Variants in ZFHX3 observed in about 807,000 individuals in gnomAD.
ZFHX3 encodes zinc finger homeobox 3.
In ZFHX3, 42 loss-of-function variants were observed where a neutral mutation model predicts 279.1. That is an observed-to-expected ratio of 0.15 (90% CI 0.12 to 0.19). The LOEUF is 0.19. Ranked by LOEUF, ZFHX3 falls within the 10% of genes least tolerant of loss-of-function variation. ZFHX3 has a pLI of 1.00. For missense variants in ZFHX3, 4,981 were observed against 4,754.0 expected, an observed-to-expected ratio of 1.05 and a Z score of -1.40; for synonymous variants, 2,293 against 1,957.8, an observed-to-expected ratio of 1.17 and a Z score of -4.52.
rs369858020 is a variant in ZFHX3, at chr16:72,964,794, T to TA, written c.-49-4601dup. 3.1e-3 allele frequency among the ~76,000 whole-genome samples: 476 copies of TA among 152,188 alleles called. 3 individuals are homozygous for TA. The highest frequency in any genetic ancestry group is 8.3e-3 in the African/African-American group (345 of 41,522). On this transcript the variant is annotated intron_variant, in intron 1 of 9. Coordinates refer to ENST00000268489, the MANE Select transcript of ZFHX3 (RefSeq NM_006885.4). Reference sequence around the variant, plus strand: ...TGATCCTCATACCCACACTAGGAGATAGATACTATTTTTATCCCCATTTTA... The same window carrying TA: ...TGATCCTCATACCCACACTAGGAGATAAGATACTATTTTTATCCCCATTTTA...
At chr16:73,873,174 G>GGTA (rs1413909136) in intron 1 of ZFHX3, among the ~76,000 whole-genome samples, 4 of 87,630 alleles carry the variant, frequency 4.6e-5, no homozygotes, top group African/African-American at 2.1e-4. Context: ...GGTGGTGGGT[G>GGTA]GTGGGTGGTG....
intron 8 of ZFHX3, among the ~76,000 whole-genome samples, chr16:73,079,438 T>A (rs561108056): frequency 2.8e-4 from 42 of 152,182 alleles, no homozygotes; most frequent in Middle Eastern, 3.4e-3. Flanking sequence ...GTCAGGAGAA[T>A]CACTTGAACC....
At chr16:73,484,612 G>C (rs779685633) in intron 2 of ZFHX3, among the ~76,000 whole-genome samples, 2 of 152,192 alleles carry the variant, frequency 1.3e-5, no homozygotes, top group Non-Finnish European at 2.9e-5. Context: ...TATCACCACG[G>C]TAGCAGGGAA....
At chr16:73,510,323 T>A (rs1282959042) in intron 2 of ZFHX3, among the ~76,000 whole-genome samples, 1 of 152,160 alleles carries the variant, frequency 6.6e-6, no homozygotes, top group Admixed American at 6.5e-5. Flanking sequence ...TTGTCTACAG[T>A]GTTTGCCACT....
rs1489786841 is a variant in ZFHX3, at chr16:72,784,867, T to A, written c.*2297A>T. The A allele has an allele frequency of 1.3e-5, 2 of 152,576 alleles. No homozygotes were observed. Among genetic ancestry groups the A allele is most frequent in the East Asian group, 3.9e-4 (2 of 5,180 alleles). The allele number at this position is 152,576 out of a possible 1,614,324, so 9.5% of individuals were successfully genotyped here. On this transcript the variant is annotated 3_prime_UTR_variant, in exon 10 of 10. Transcript: ENST00000268489. ...TGTACAACATTTCAGGATCTACTATTTCATTAAACTAAAAACAAATTCATA... is the reference window on the plus strand; with the variant it reads ...TGTACAACATTTCAGGATCTACTATATCATTAAACTAAAAACAAATTCATA...
intron 4 of ZFHX3, among the ~76,000 whole-genome samples, chr16:72,888,840 G>T (rs1253340720): frequency 1.3e-5 from 2 of 152,214 alleles, no homozygotes; most frequent in Non-Finnish European, 2.9e-5. Flanking sequence ...GAGGTGAGCA[G>T]TTCACAGGGT....
chr16:73,554,714 C>T (rs950558187), intron 2 of ZFHX3: 2 of 152,138 alleles, frequency 1.3e-5, no homozygotes, highest in African/African-American at 2.4e-5. Flanking sequence ...CCTGCGGTGG[C>T]TGACACACTC....
chr16:73,068,735 A>C (rs1478680295), intron 8 of ZFHX3, among the ~76,000 whole-genome samples: 2 of 152,184 alleles, frequency 1.3e-5, no homozygotes, highest in African/African-American at 2.4e-5. Flanking sequence ...ATATGAGGAA[A>C]TCCAGTAGAC....
At position 73,334,810 on chromosome 16, in the gene ZFHX3, C is replaced by CCTTTTTTTT. The variant is rs1555510772; in HGVS notation, c.-1290-16475_-1290-16474insAAAAAAAAG. 2.9e-3 allele frequency among the ~76,000 whole-genome samples: 170 copies of CCTTTTTTTT among 57,914 alleles called. 29 individuals are homozygous for CCTTTTTTTT. The highest frequency in any genetic ancestry group is 9.0e-3 in the South Asian group (13 of 1,440). 38.0% of individuals were successfully genotyped at this position (57,914 alleles called of 152,430 possible). On this transcript the variant is annotated intron_variant, in intron 3 of 17. Coordinates refer to the ZFHX3 transcript ENST00000641206. ...TCTTTTCCTCCTTTTCTTTCTCATT[C>CCTTTTTTTT]TTTTTTTTTTTTTTTTTTTTTTTTT...
intron 1 of ZFHX3, among the ~76,000 whole-genome samples, chr16:72,964,180 G>A (rs1056118771): frequency 1.3e-5 from 2 of 152,090 alleles, no homozygotes; most frequent in Non-Finnish European, 2.9e-5. Flanking sequence ...ATCCCTCCCC[G>A]TTGACTCAAC....
At chr16:73,120,813 C>T (rs1041838831) in intron 7 of ZFHX3, among the ~76,000 whole-genome samples, 8 of 151,900 alleles carry the variant, frequency 5.3e-5, no homozygotes, top group Non-Finnish European at 7.4e-5. Context: ...TGCTACCACG[C>T]CCGGCGAATT....
chr16:73,850,531 A>G (rs542704336), intron 1 of ZFHX3, among the ~76,000 whole-genome samples: 1 of 152,278 alleles, frequency 6.6e-6, no homozygotes, highest in Non-Finnish European at 1.5e-5. Flanking sequence ...AGGGAGTGAG[A>G]GCTGCAGGAT....
chr16:72,900,136 C>CAAA (rs10669734), intron 3 of ZFHX3, among the ~76,000 whole-genome samples: 2,740 of 63,192 alleles, frequency 0.043, 146 homozygotes, highest in African/African-American at 0.11. Context: ...ATGCCCTTGC[C>CAAA]AAAAAAAAAA....
intron 2 of ZFHX3, among the ~76,000 whole-genome samples, chr16:73,572,126 G>C (rs2051745084): frequency 7.1e-6 from 1 of 141,778 alleles, no homozygotes; most frequent in Non-Finnish European, 1.5e-5. Flanking sequence ...AAAAAGAAAA[G>C]TCAACCGAAA....
intron 3 of ZFHX3, among the ~76,000 whole-genome samples, chr16:72,898,746 C>CAATAAAAA (rs2038959849): frequency 7.8e-6 from 1 of 128,174 alleles, no homozygotes. Context: ...AACCCTGTCT[C>CAATAAAAA]AAAAAAAAAA....
At chr16:73,024,212 C>G (rs1964413594) in intron 1 of ZFHX3, among the ~76,000 whole-genome samples, 1 of 152,036 alleles carries the variant, frequency 6.6e-6, no homozygotes, top group Non-Finnish European at 1.5e-5. Flanking sequence ...AGTGTTTTGG[C>G]AAAGAAACGA....
intron 4 of ZFHX3, among the ~76,000 whole-genome samples, chr16:73,263,886 G>A (rs1279378804): frequency 2.0e-5 from 3 of 152,208 alleles, no homozygotes; most frequent in Non-Finnish European, 4.4e-5. Flanking sequence ...AGCCCTGATG[G>A]CCAGGCGCAG....
intron 2 of ZFHX3, 82 bp from the exon 3 acceptor site, chr16:72,951,047 C>A: frequency 6.5e-7 from 1 of 1,536,258 alleles, no homozygotes; most frequent in Non-Finnish European, 8.8e-7. Context: ...AGCCCTCCGC[C>A]ACCCTCAACT....
intron 1 of ZFHX3, among the ~76,000 whole-genome samples, chr16:72,989,425 T>C (rs1002369728): frequency 6.7e-6 from 1 of 150,012 alleles, no homozygotes; most frequent in African/African-American, 2.5e-5. Context: ...GAAGTTGCAG[T>C]GGGCCAAGAT....
Sources: gnomAD v4.1 joint callset for allele counts (sites outside exome capture counted in the v4.1 genomes callset) on GRCh38, gnomAD v4.1.1 for gene constraint, MANE v1.5 for transcripts, NCBI Gene and HGNC (gene_info 2026-07-23, HGNC 2026-07-21) for gene names.